Variants in SLC25A26 observed in about 807,000 individuals in gnomAD.
The protein encoded by SLC25A26 is mitochondrial S-adenosylmethionine carrier protein.
In SLC25A26, 36 loss-of-function variants were observed where a neutral mutation model predicts 37.8. The observed-to-expected ratio is 0.95, with a 90% CI of 0.73 to 1.26. The LOEUF (loss-of-function observed/expected upper bound fraction) is 1.26. SLC25A26 is among the 50% of genes most tolerant of loss of function. SLC25A26 has a pLI of 0.00. For synonymous variants in SLC25A26, 129 were observed against 122.5 expected (o/e 1.05, Z -0.35); for missense variants, 390 against 331.1 (o/e 1.18, Z -1.38).
intron 3 of SLC25A26, among the ~76,000 whole-genome samples, chr3:66,257,557 T>A (rs2073352146): frequency 6.6e-6 from 1 of 152,144 alleles, no homozygotes; most frequent in Admixed American, 6.5e-5. Context: ...AGGGAGGTAG[T>A]CATAGACGGA....
chr3:66,277,931 T>C (rs1013073063), intron 5 of SLC25A26, among the ~76,000 whole-genome samples: 1 of 151,934 alleles, frequency 6.6e-6, no homozygotes, highest in East Asian at 1.9e-4. Flanking sequence ...GTCAAAGTTA[T>C]GATAAAGAAA....
At chr3:66,133,881 T>C (rs2069907282) in exon 1 of SLC25A26, 1 of 152,190 alleles carries the variant, frequency 6.6e-6, no homozygotes, top group Non-Finnish European at 1.5e-5. Flanking sequence ...TGTTTCCAGA[T>C]TGCTTCTAGA....
At chr3:66,313,702 A>G (rs558887406) in intron 5 of SLC25A26, among the ~76,000 whole-genome samples, 1 of 152,302 alleles carries the variant, frequency 6.6e-6, no homozygotes, top group South Asian at 2.1e-4. Flanking sequence ...TCTATAAATT[A>G]CTTAGGGTGG....
intron 3 of SLC25A26, among the ~76,000 whole-genome samples, chr3:66,255,294 A>G (rs1396560305): frequency 1.3e-5 from 2 of 152,184 alleles, no homozygotes; most frequent in African/African-American, 4.8e-5. Flanking sequence ...CATTTAATAA[A>G]TATCAAAAGG....
intron 1 of SLC25A26, among the ~76,000 whole-genome samples, chr3:66,172,879 A>T (rs2070521440): frequency 6.6e-6 from 1 of 152,088 alleles, no homozygotes; most frequent in East Asian, 1.9e-4. Context: ...GTCATAATGG[A>T]TGAGGGGCCC....
At chr3:66,184,253 C>T (rs2106768388) in intron 1 of SLC25A26, among the ~76,000 whole-genome samples, 1 of 152,114 alleles carries the variant, frequency 6.6e-6, no homozygotes, top group East Asian at 1.9e-4. Flanking sequence ...CCCTGAACCT[C>T]ACCATAACTC....
Position 66,377,742 on chromosome 3 carries a change from A to G in SLC25A26, c.760A>G (p.Ile254Val), listed in dbSNP as rs1432994281. ...RMAAISLGGF[I>V]FLGAYDRTHS... The stretch of plus-strand genomic sequence containing the variant: ...GGCAGCCATCAGTCTGGGAGGTTTC[A>G]TCTTTCTGGGGGCTTATGACCGAAC... Residue 254 changes from isoleucine to valine, a missense_variant, in exon 10 of 10, where the codon ATC (isoleucine) becomes GTC (valine). Ile to Val is a conservative substitution (Grantham distance 29, BLOSUM62 3). Coordinates refer to ENST00000354883, the MANE Select transcript of SLC25A26 (RefSeq NM_001379210.1). 4 of 1,613,710 alleles carry G rather than the reference A, an allele frequency of 2.5e-6. No homozygotes were observed. Among genetic ancestry groups the G allele is most frequent in the Non-Finnish European group, 2.5e-6 (3 of 1,179,850 alleles).
intron 1 of SLC25A26, among the ~76,000 whole-genome samples, chr3:66,187,212 A>G (rs2070846209): frequency 6.6e-6 from 1 of 151,510 alleles, no homozygotes; most frequent in Non-Finnish European, 1.5e-5. Flanking sequence ...GATCCTTATC[A>G]TGTCGCTGAA....
intron 2 of SLC25A26, among the ~76,000 whole-genome samples, chr3:66,241,671 G>C (rs36169553): frequency 6.6e-5 from 10 of 152,148 alleles, no homozygotes; most frequent in Non-Finnish European, 1.5e-4. Context: ...TGCCAAGTTT[G>C]AAAGAATTGG....
intron 5 of SLC25A26, among the ~76,000 whole-genome samples, chr3:66,324,649 T>C (rs2075788951): frequency 6.6e-6 from 1 of 152,204 alleles, no homozygotes; most frequent in Non-Finnish European, 1.5e-5. Context: ...ACTAAATTCC[T>C]CCCAAAGTTA....
At chr3:66,272,817 T>G (rs1193066634) in intron 5 of SLC25A26, among the ~76,000 whole-genome samples, 1 of 152,198 alleles carries the variant, frequency 6.6e-6, no homozygotes, top group Non-Finnish European at 1.5e-5. Flanking sequence ...TGGCCAGAAC[T>G]TCCAACACTG....
rs1485787069 is a variant in SLC25A26, at chr3:66,369,038, AAAAAACAAAAACAAAAAAAAAAAAC to A, written c.569-435_569-411del. Among the ~76,000 whole-genome samples the A allele has an allele frequency of 5.5e-3, 129 of 23,368 alleles. 5 individuals carry two copies. The highest frequency in any genetic ancestry group is 0.039 in the African/African-American group (118 of 3,054). 15.3% of individuals were successfully genotyped at this position (23,368 alleles called of 152,430 possible). A position where few individuals can be genotyped will look rare whatever the true frequency, so the allele number is the denominator to read the frequency against. On this transcript the variant is annotated intron_variant, in intron 7 of 9. Transcript: ENST00000354883. ...ACCCTGTCTTTTCAAAAAAAAAAAA[AAAAAACAAAAACAAAAAAAAAAAAC>A]AAAAGACAGTGGCCTATAGAAAGTC...
Position 66,346,082 on chromosome 3 carries a change from C to G in SLC25A26, c.454-282C>G, listed in dbSNP as rs2076315667. ...TGGTGGCGTGTGCCTGTAGTCCCAG[C>G]TACTCTGATGGCTGAGGTGGGAAAA... On this transcript the variant is annotated intron_variant, in intron 5 of 9. Coordinates refer to ENST00000354883, the MANE Select transcript of SLC25A26 (RefSeq NM_001379210.1). Among the ~76,000 whole-genome samples, 6 of 152,128 alleles carry G rather than the reference C, an allele frequency of 3.9e-5. 2 individuals carry two copies. The highest frequency in any genetic ancestry group is 3.9e-4 in the Admixed American group (6 of 15,282).
intron 1 of SLC25A26, among the ~76,000 whole-genome samples, chr3:66,145,949 A>C (rs1175230832): frequency 6.6e-6 from 1 of 152,242 alleles, no homozygotes; most frequent in African/African-American, 2.4e-5. Context: ...TTGTGTGATT[A>C]AAGTTTAATC....
upstream of SLC25A26, among the ~76,000 whole-genome samples, chr3:66,218,421 C>A (rs2106852114): frequency 6.6e-6 from 1 of 152,300 alleles, no homozygotes; most frequent in African/African-American, 2.4e-5. Context: ...TTTCCAGTTG[C>A]TTCTCATCCT....
chr3:66,170,791 G>GTTTTTTTTTTTT (rs36147154), intron 1 of SLC25A26, among the ~76,000 whole-genome samples: 7 of 50,902 alleles, frequency 1.4e-4, no homozygotes, highest in African/African-American at 4.4e-4. Context: ...TGTGATTATT[G>GTTTTTTTTTTTT]TTTTTTTTTT....
chr3:66,251,403 T>A (rs1382537360), intron 3 of SLC25A26, among the ~76,000 whole-genome samples: 2 of 152,180 alleles, frequency 1.3e-5, no homozygotes, highest in East Asian at 3.9e-4. Flanking sequence ...TCCAGCGACA[T>A]CCTTCAGTGC....
At chr3:66,206,745 T>C (rs992090949) in intron 1 of SLC25A26, among the ~76,000 whole-genome samples, 38 of 150,754 alleles carry the variant, frequency 2.5e-4, no homozygotes, top group Non-Finnish European at 2.4e-4. Context: ...CTGTATTGCA[T>C]AGGCTGGGGT....
rs1167533791 is a variant in SLC25A26, at chr3:66,378,494, G to C, written c.*687G>C. 1 of 152,700 alleles carries C rather than the reference G, an allele frequency of 6.5e-6. No individual in the cohort carries two copies. Among genetic ancestry groups the C allele is most frequent in the African/African-American group, 2.4e-5 (1 of 41,464 alleles). The allele number at this position is 152,700 out of a possible 1,614,324, so 9.5% of individuals were successfully genotyped here. The stretch of plus-strand genomic sequence containing the variant: ...GGTGGGCCCAGCTGGCTTCGTGCAG[G>C]AGGGCACGGTGGGTGAGCCATTCTC... On this transcript the variant is annotated 3_prime_UTR_variant, in exon 10 of 10. Coordinates refer to ENST00000354883, the MANE Select transcript of SLC25A26 (RefSeq NM_001379210.1).
Sources: gnomAD v4.1 joint callset for allele counts (sites outside exome capture counted in the v4.1 genomes callset) on GRCh38, gnomAD v4.1.1 for gene constraint, MANE v1.5 for transcripts, NCBI Gene and HGNC (gene_info 2026-07-23, HGNC 2026-07-21) for gene names.